Variants in ANO10 observed in about 807,000 individuals in gnomAD.
The protein encoded by ANO10 is anoctamin-10.
In ANO10, 77 loss-of-function variants were observed where a neutral mutation model predicts 74.7. The observed-to-expected ratio is 1.03, with a 90% confidence interval of 0.86 to 1.25. The LOEUF (loss-of-function observed/expected upper bound fraction) is 1.25. ANO10 is among the 50% of genes most tolerant of loss of function. The probability of loss-of-function intolerance (pLI) is 0.00; values close to 1 mark genes in which losing one functional copy is unlikely to be tolerated. For missense variants in ANO10, 721 were observed against 778.1 expected (o/e 0.93, Z 0.87); for synonymous variants, 279 against 284.9 (o/e 0.98, Z 0.21).
intron 11 of ANO10, among the ~76,000 whole-genome samples, chr3:43,542,473 C>T (rs763670565): frequency 6.6e-6 from 1 of 152,184 alleles, no homozygotes; most frequent in Non-Finnish European, 1.5e-5. Context: ...GACAACAAAT[C>T]TAGAGCTGAC....
At chr3:43,634,126 A>G (rs2083580632) in intron 1 of ANO10, among the ~76,000 whole-genome samples, 1 of 152,118 alleles carries the variant, frequency 6.6e-6, no homozygotes, top group Non-Finnish European at 1.5e-5. Flanking sequence ...CAGACACACA[A>G]AAGACCCATG....
At chr3:43,559,120 C>G (rs1386637681) in intron 9 of ANO10, among the ~76,000 whole-genome samples, 1 of 152,178 alleles carries the variant, frequency 6.6e-6, no homozygotes, top group Non-Finnish European at 1.5e-5. Flanking sequence ...TTATTTTTGA[C>G]ATGGGAATAG....
chr3:43,403,782 A>T (rs1449828360), intron 12 of ANO10, among the ~76,000 whole-genome samples: 1 of 152,200 alleles, frequency 6.6e-6, no homozygotes, highest in African/African-American at 2.4e-5. Flanking sequence ...GGAACATGTA[A>T]TTTTCATTCC....
chr3:43,612,142 A>T (rs1417917863), intron 1 of ANO10, among the ~76,000 whole-genome samples: 210 of 12,534 alleles, frequency 0.017, no homozygotes, highest in African/African-American at 0.13. Flanking sequence ...TAAATATTTT[A>T]TATATATATA....
At chr3:43,575,714 T>C (rs529490158) in intron 6 of ANO10, among the ~76,000 whole-genome samples, 3 of 152,282 alleles carry the variant, frequency 2.0e-5, no homozygotes, top group Admixed American at 2.0e-4. Context: ...CTCGGCTCAC[T>C]GCAACCTCTG....
intron 11 of ANO10, among the ~76,000 whole-genome samples, chr3:43,544,591 G>A (rs1460526762): frequency 1.3e-5 from 2 of 151,950 alleles, no homozygotes; most frequent in African/African-American, 4.8e-5. Context: ...TCAGGAGTTC[G>A]AGATCAGCCT....
intron 10 of ANO10, among the ~76,000 whole-genome samples, chr3:43,550,851 GCTC>G (rs1396908429): frequency 3.3e-5 from 5 of 152,106 alleles, no homozygotes; most frequent in African/African-American, 1.2e-4. Flanking sequence ...CCACTTCGCA[GCTC>G]CCATTCTCCC....
At chr3:43,669,257 GA>G (rs1366796319) in intron 1 of ANO10, among the ~76,000 whole-genome samples, 11 of 152,250 alleles carry the variant, frequency 7.2e-5, no homozygotes, top group African/African-American at 2.4e-4. Context: ...AAAAGGAACA[GA>G]ATCCTCCAGT....
intron 9 of ANO10, 148 bp downstream of exon 9, chr3:43,561,072 T>C: frequency 1.1e-6 from 1 of 925,074 alleles, no homozygotes; most frequent in Non-Finnish European, 1.7e-6. Context: ...CCCTTTCACT[T>C]TAAAGTGGTT....
At chr3:43,443,356 G>A (rs2093189315) in intron 11 of ANO10, among the ~76,000 whole-genome samples, 1 of 152,206 alleles carries the variant, frequency 6.6e-6, no homozygotes. Flanking sequence ...CAGTTAATGA[G>A]AACTCAGGGA....
At chr3:43,470,515 T>C (rs1472937554) in intron 11 of ANO10, among the ~76,000 whole-genome samples, 2 of 152,176 alleles carry the variant, frequency 1.3e-5, no homozygotes, top group Admixed American at 6.5e-5. Context: ...GGCTAATTTT[T>C]TGTATTTTTA....
At chr3:43,508,944 A>T (rs1191270506) in intron 11 of ANO10, among the ~76,000 whole-genome samples, 2 of 21,588 alleles carry the variant, frequency 9.3e-5, no homozygotes, top group African/African-American at 2.3e-4. Flanking sequence ...AAAGTATAAT[A>T]AAAAAAAAAA....
intron 10 of ANO10, 98 bp downstream of exon 10, chr3:43,555,180 A>C (rs2079677482): frequency 7.9e-7 from 1 of 1,264,118 alleles, no homozygotes; most frequent in Non-Finnish European, 1.1e-6. Flanking sequence ...CAGTTTTCCT[A>C]AATCTCTCTG....
chr3:43,565,804 T>A, intron 7 of ANO10, 77 bp from the exon 8 acceptor site: 1 of 1,472,592 alleles, frequency 6.8e-7, no homozygotes, highest in East Asian at 2.5e-5. Flanking sequence ...AATGCAGCAT[T>A]TAAAAATGTA....
intron 1 of ANO10, among the ~76,000 whole-genome samples, chr3:43,615,022 G>C (rs2083028356): frequency 6.6e-6 from 1 of 151,068 alleles, no homozygotes; most frequent in Admixed American, 6.6e-5. Context: ...AACATGGAGA[G>C]ATTTCCTGAC....
At position 43,366,512 on chromosome 3, in the gene ANO10, A is replaced by C. The variant is rs948310623; in HGVS notation, c.*394T>G. 2.7e-6 allele frequency: 1 copy of C among 365,856 alleles called. No individual in the cohort carries two copies. Among genetic ancestry groups the C allele is most frequent in the African/African-American group, 2.1e-5 (1 of 47,500 alleles). 22.7% of individuals were successfully genotyped at this position (365,856 alleles called of 1,614,324 possible). A position where few individuals can be genotyped will look rare whatever the true frequency, so the allele number is the denominator to read the frequency against. Reference sequence around the variant, plus strand: ...GATGAGCACAGTGGGCACACACCCCATCCCCAACCTGTCCACGGGTCCCTG... The same window carrying C: ...GATGAGCACAGTGGGCACACACCCCCTCCCCAACCTGTCCACGGGTCCCTG... On this transcript the variant is annotated 3_prime_UTR_variant, in exon 13 of 13. Coordinates refer to ENST00000292246, the MANE Select transcript of ANO10 (RefSeq NM_018075.5).
chr3:43,657,963 G>T (rs1489120018), intron 1 of ANO10, among the ~76,000 whole-genome samples: 1 of 152,052 alleles, frequency 6.6e-6, no homozygotes, highest in African/African-American at 2.4e-5. Context: ...CGTCTGGATG[G>T]CTTAATATTT....
At chr3:43,487,365 T>C (rs1012746931) in intron 11 of ANO10, among the ~76,000 whole-genome samples, 2 of 152,142 alleles carry the variant, frequency 1.3e-5, no homozygotes, top group African/African-American at 4.8e-5. Context: ...ATTGGAATAG[T>C]TTCAGAAGGA....
chr3:43,669,716 T>TTTTATTTATTTA (rs142716450), intron 1 of ANO10, among the ~76,000 whole-genome samples: 1 of 151,804 alleles, frequency 6.6e-6, no homozygotes, highest in African/African-American at 2.4e-5. Flanking sequence ...TCTTTTTAGT[T>TTTTATTTATTTA]TTTATTTATT....
Sources: allele counts gnomAD v4.1 joint callset (sites outside exome capture counted in the v4.1 genomes callset), GRCh38; gene constraint gnomAD v4.1.1; transcripts MANE v1.5; gene names NCBI Gene and HGNC (gene_info 2026-07-23, HGNC 2026-07-21).